ZFHX3: variants seen among roughly 807,000 people sequenced by gnomAD.
The protein encoded by ZFHX3 is zinc finger homeobox 3.
Under a neutral mutation model 279.1 loss-of-function variants are expected in ZFHX3, and 42 were observed. That is an observed-to-expected ratio of 0.15 (90% CI 0.12 to 0.19). The LOEUF is 0.19. Ranked by LOEUF, ZFHX3 falls within the 10% of genes least tolerant of loss-of-function variation. The probability of loss-of-function intolerance (pLI) is 1.00; values close to 1 mark genes in which losing one functional copy is unlikely to be tolerated. For synonymous variants in ZFHX3, 2,293 were observed against 1,957.8 expected (o/e 1.17, Z -4.52); for missense variants, 4,981 against 4,754.0 (o/e 1.05, Z -1.40).
chr16:72,824,876 A>C (rs919652978), intron 5 of ZFHX3, among the ~76,000 whole-genome samples: 1 of 152,234 alleles, frequency 6.6e-6, no homozygotes, highest in Non-Finnish European at 1.5e-5. Context: ...AAAGAGAACA[A>C]GGGTCATTTT....
chr16:73,064,481 C>T (rs1420866566), upstream of ZFHX3, among the ~76,000 whole-genome samples: 1 of 152,030 alleles, frequency 6.6e-6, no homozygotes, highest in Non-Finnish European at 1.5e-5. Context: ...GAGGTTTCAT[C>T]CCTGGGGCAA....
intron 5 of ZFHX3, among the ~76,000 whole-genome samples, chr16:73,191,100 G>A (rs540221113): frequency 3.1e-4 from 47 of 152,226 alleles, no homozygotes; most frequent in African/African-American, 5.3e-4. Context: ...ATTCAGAGGC[G>A]TGGGAGAGGC....
chr16:72,972,280 C>T (rs1405835275), intron 1 of ZFHX3, among the ~76,000 whole-genome samples: 1 of 152,070 alleles, frequency 6.6e-6, no homozygotes, highest in African/African-American at 2.4e-5. Context: ...GTGATCCCTC[C>T]CCCTTGAGTT....
rs372088967 is a variant in ZFHX3, at chr16:72,788,073, G to A, written c.10203C>T (p.Thr3401=). ...VQQQQPKASQ[T]PVPPGAPSPD... ...GGGAAGGAGCCCCGGGGGGGACTGG[G>A]GTTTGGCTTGCTTTGGGCTGCTGCT... Residue 3401 remains threonine, a synonymous_variant, in exon 10 of 10, where the codon ACC becomes ACT. Transcript: ENST00000268489. 6.8e-6 allele frequency: 11 copies of A among 1,611,876 alleles called. No homozygotes were observed. Among genetic ancestry groups the A allele is most frequent in the East Asian group, 2.2e-5 (1 of 44,876 alleles).
chr16:73,612,225 T>A (rs7197725), intron 2 of ZFHX3, among the ~76,000 whole-genome samples: 1 of 152,012 alleles, frequency 6.6e-6, no homozygotes, highest in Non-Finnish European at 1.5e-5. Flanking sequence ...TAAAGGGCAA[T>A]GTGGTGTTTT....
At position 73,176,444 on chromosome 16, in the gene ZFHX3, A is replaced by T. The variant is rs919337846; in HGVS notation, c.-1103-32613T>A. ...CCTTATCACCTCCCTTTATGTGAGTACACTGTATTATATTGAAGCTGAGTA... is the reference window on the plus strand; with the variant it reads ...CCTTATCACCTCCCTTTATGTGAGTTCACTGTATTATATTGAAGCTGAGTA... On this transcript the variant is annotated intron_variant, in intron 5 of 17. Transcript: ENST00000641206. Among the ~76,000 whole-genome samples, 28 of 152,298 alleles carry T rather than the reference A, an allele frequency of 1.8e-4. 1 individual carries two copies. The highest frequency in any genetic ancestry group is 1.2e-3 in the Admixed American group (19 of 15,298).
rs1337939354 is a variant in ZFHX3, at chr16:72,786,413, T to C, written c.*751A>G. The C allele has an allele frequency of 7.0e-6, 1 of 143,480 alleles. No homozygotes were observed. The highest frequency in any genetic ancestry group is 2.6e-5 in the African/African-American group (1 of 37,790). The allele number at this position is 143,480 out of a possible 1,614,324, so 8.9% of individuals were successfully genotyped here. A position where few individuals can be genotyped will look rare whatever the true frequency, so the allele number is the denominator to read the frequency against. ...CAACACTCTTTGTGTGTGTGGGTTA[T>C]TATTTTTTTTTTTTTTTGAAAGTGG... On this transcript the variant is annotated 3_prime_UTR_variant, in exon 10 of 10. Transcript: ENST00000268489.
intron 2 of ZFHX3, among the ~76,000 whole-genome samples, chr16:73,534,336 C>T (rs779268188): frequency 2.6e-4 from 40 of 152,270 alleles, no homozygotes; most frequent in Non-Finnish European, 4.0e-4. Context: ...CTTAAATATC[C>T]TCTCAATGAG....
At chr16:73,612,706 A>G (rs1254449268) in intron 2 of ZFHX3, among the ~76,000 whole-genome samples, 1 of 152,230 alleles carries the variant, frequency 6.6e-6, no homozygotes, top group Non-Finnish European at 1.5e-5. Context: ...GTGATCAGAA[A>G]ACAAGGATTA....
intron 2 of ZFHX3, among the ~76,000 whole-genome samples, chr16:73,629,348 A>C (rs1359802360): frequency 6.6e-6 from 1 of 152,160 alleles, no homozygotes; most frequent in African/African-American, 2.4e-5. Flanking sequence ...CAGCAGATTC[A>C]GAGATTTTAT....
chr16:73,596,651 T>C (rs935487761), intron 2 of ZFHX3, among the ~76,000 whole-genome samples: 5 of 152,184 alleles, frequency 3.3e-5, no homozygotes, highest in African/African-American at 1.2e-4. Context: ...AAGCTTTCCA[T>C]GGTTAGGATA....
At chr16:73,779,017 A>G (rs1188650345) in intron 1 of ZFHX3, among the ~76,000 whole-genome samples, 2 of 152,230 alleles carry the variant, frequency 1.3e-5, no homozygotes, top group Non-Finnish European at 1.5e-5. Context: ...CTGCTCTAGA[A>G]TAAGCCTGAG....
chr16:73,414,919 A>G (rs1198724254), intron 3 of ZFHX3, among the ~76,000 whole-genome samples: 6 of 152,224 alleles, frequency 3.9e-5, no homozygotes, highest in Non-Finnish European at 8.8e-5. Flanking sequence ...CAGACTAGCT[A>G]GGAAAGGAGT....
chr16:73,478,394 TC>T lies in ZFHX3; in HGVS notation c.-1546-22137del, dbSNP rs1177784506. Among the ~76,000 whole-genome samples, 3 of 152,172 alleles carry T rather than the reference TC, an allele frequency of 2.0e-5. No individual in the cohort carries two copies. In the East Asian group the frequency reaches 5.8e-4, roughly 29 times the overall value. On this transcript the variant is annotated intron_variant, in intron 2 of 17. Transcript: ENST00000641206. ...TACCAACTGAGCTATCCAGGCTTCT[TC>T]CCTGCTAGTTTATTTTAATGCAGTA...
chr16:73,485,557 A>G (rs2018959205), intron 2 of ZFHX3, among the ~76,000 whole-genome samples: 2 of 152,314 alleles, frequency 1.3e-5, no homozygotes, highest in Admixed American at 6.5e-5. Context: ...ACCCCTTGAC[A>G]TGCTGATAAG....
Position 72,785,493 on chromosome 16 carries a change from C to A in ZFHX3, c.*1671G>T, listed in dbSNP as rs912737268. On this transcript the variant is annotated 3_prime_UTR_variant, in exon 10 of 10. Transcript: ENST00000268489. ...AAGAAGCACATAACAACCTGGGAAT[C>A]TTTTGTTTTTCTCTTTCTTTTATTA... The A allele has an allele frequency of 6.6e-6, 1 of 152,602 alleles. No homozygotes were observed. Among genetic ancestry groups the A allele is most frequent in the Non-Finnish European group, 1.5e-5 (1 of 68,022 alleles). 9.5% of individuals were successfully genotyped at this position (152,602 alleles called of 1,614,324 possible).
At chr16:73,210,572 A>G (rs1485311506) in intron 5 of ZFHX3, among the ~76,000 whole-genome samples, 1 of 152,180 alleles carries the variant, frequency 6.6e-6, no homozygotes, top group Admixed American at 6.5e-5. Flanking sequence ...TTTCAGAGTT[A>G]TTCCTATTGA....
At chr16:73,276,446 A>T (rs1174287373) in intron 4 of ZFHX3, among the ~76,000 whole-genome samples, 8 of 152,024 alleles carry the variant, frequency 5.3e-5, no homozygotes, top group Non-Finnish European at 8.8e-5. Flanking sequence ...GGCCTCTCAA[A>T]GTGCTGGGAT....
At chr16:73,751,225 C>G (rs2053759138) in intron 1 of ZFHX3, among the ~76,000 whole-genome samples, 1 of 152,230 alleles carries the variant, frequency 6.6e-6, no homozygotes. Context: ...AAGTCACTCA[C>G]TTGTGCATTT....
Sources: gnomAD v4.1 joint callset for allele counts (sites outside exome capture counted in the v4.1 genomes callset) on GRCh38, gnomAD v4.1.1 for gene constraint, MANE v1.5 for transcripts, NCBI Gene and HGNC (gene_info 2026-07-23, HGNC 2026-07-21) for gene names.